VCPIP1: variants seen among roughly 807,000 people sequenced by gnomAD.
The protein encoded by VCPIP1 is deubiquitinating protein VCPIP1.
Under a neutral mutation model 85.0 loss-of-function variants are expected in VCPIP1, and 8 were observed. The observed-to-expected ratio is 0.09, with a 90% CI of 0.06 to 0.17. The LOEUF (loss-of-function observed/expected upper bound fraction) is 0.17. Among genes scored for constraint, VCPIP1 ranks in the 10% least tolerant of loss-of-function variants. The probability of loss-of-function intolerance (pLI) is 1.00; values close to 1 mark genes in which losing one functional copy is unlikely to be tolerated. For synonymous variants in VCPIP1, 543 were observed against 544.5 expected, an observed-to-expected ratio of 1.00 and a Z score of 0.04; for missense variants, 1,070 against 1,486.3, an observed-to-expected ratio of 0.72 and a Z score of 4.61.
In VCPIP1 at chr8:66,628,528, GATT is replaced by G. The variant is rs1450572341; in HGVS notation, c.*5970_*5972del. On this transcript the variant is annotated 3_prime_UTR_variant, in exon 3 of 3. Coordinates refer to ENST00000310421, the MANE Select transcript of VCPIP1 (RefSeq NM_025054.5). ...ACATTTTTAATGATTAGAAACAATT[GATT>G]ATTAAGTCAGAATTGCAGTTGCTGG... The G allele has an allele frequency of 6.6e-6, 1 of 152,164 alleles. No individual in the cohort carries two copies. The highest frequency in any genetic ancestry group is 1.5e-5 in the Non-Finnish European group (1 of 68,024). The allele number at this position is 152,164 out of a possible 1,614,324, so 9.4% of individuals were successfully genotyped here.
At position 66,667,137 on chromosome 8, in the gene VCPIP1, C is replaced by T; in HGVS notation, c.-179G>A. 7.5e-7 allele frequency: 1 copy of T among 1,339,898 alleles called. No individual in the cohort carries two copies. The highest frequency in any genetic ancestry group is 9.7e-7 in the Non-Finnish European group (1 of 1,026,012). 83.0% of individuals were successfully genotyped at this position (1,339,898 alleles called of 1,614,324 possible). A position where few individuals can be genotyped will look rare whatever the true frequency, so the allele number is the denominator to read the frequency against. ...GCGCCGGACGTTGTTTCTCTTCTTACTTCTCCACTGCCGTAGCCGTTGCCC... is the reference window on the plus strand; with the variant it reads ...GCGCCGGACGTTGTTTCTCTTCTTATTTCTCCACTGCCGTAGCCGTTGCCC... On this transcript the variant is annotated 5_prime_UTR_variant, in exon 1 of 3. Transcript: ENST00000310421.
chr8:66,652,105 C>CCCTT (rs1811060223), intron 1 of VCPIP1, among the ~76,000 whole-genome samples: 1 of 152,000 alleles, frequency 6.6e-6, no homozygotes, highest in South Asian at 2.1e-4. Context: ...TGGGGGGAAC[C>CCCTT]CCTTGTGCAC....
In VCPIP1 at chr8:66,665,739, T is replaced by C; in HGVS notation, c.1220A>G (p.Asp407Gly). The change falls in exon 1 of 3, where the codon GAT becomes GGT. Residue 407 changes from aspartate to glycine, a missense_variant. This residue lies in a region of VCPIP1 where 83 missense variants were observed against 134.6 expected (regional missense o/e 0.62). Coordinates refer to ENST00000310421, the MANE Select transcript of VCPIP1 (RefSeq NM_025054.5). The surrounding 1 kb of genome is among the most constrained non-coding windows in gnomAD (Gnocchi z 4.3). ...CVIGGDRSLQ[D>G]KYLLRLVAAM... ...AGCAACAAGCCTAAGTAAGTATTTA[T>C]CTTGCAAACTTCTGTCACCTCCAAT... The C allele has an allele frequency of 3.1e-6, 5 of 1,614,214 alleles. No homozygotes were observed. Among genetic ancestry groups the C allele is most frequent in the Non-Finnish European group, 4.2e-6 (5 of 1,180,040 alleles).
At chr8:66,657,193 C>T (rs1191096828) in intron 1 of VCPIP1, among the ~76,000 whole-genome samples, 1 of 152,118 alleles carries the variant, frequency 6.6e-6, no homozygotes. Flanking sequence ...GTGTAAGCCA[C>T]CATGCCCAGC....
chr8:66,660,822 T>A (rs1311195797), intron 1 of VCPIP1, among the ~76,000 whole-genome samples: 1 of 151,952 alleles, frequency 6.6e-6, no homozygotes, highest in Non-Finnish European at 1.5e-5. Context: ...GGAGGGCGGA[T>A]CCCCTGAGGT....
chr8:66,649,736 G>A (rs1811033981), intron 2 of VCPIP1, among the ~76,000 whole-genome samples: 2 of 152,168 alleles, frequency 1.3e-5, no homozygotes, highest in African/African-American at 4.8e-5. Flanking sequence ...TTTTTGGAGT[G>A]ATGAAAGTAT....
chr8:66,665,270 A>G lies in VCPIP1; in HGVS notation c.1689T>C (p.Thr563=). 6.2e-7 allele frequency: 1 copy of G among 1,614,226 alleles called. No homozygotes were observed. ...GSIVYLDGDR[T]NSRSTGGKCG... is the part of the protein sequence containing the mutation. Reference sequence around the variant, plus strand: ...ATTTGCCACCAGTGGACCTAGAATTAGTTCTGTCTCCATCCAAATACACAA... The same window carrying G: ...ATTTGCCACCAGTGGACCTAGAATTGGTTCTGTCTCCATCCAAATACACAA... The change falls in exon 1 of 3, where the codon ACT becomes ACC. Residue 563 remains threonine (T), a synonymous_variant. Coordinates refer to ENST00000310421, the MANE Select transcript of VCPIP1 (RefSeq NM_025054.5). This position sits in a 1 kb window ranked among gnomAD's most constrained non-coding sequence, Gnocchi z 4.3.
chr8:66,661,788 C>T (rs1465713951), intron 1 of VCPIP1, among the ~76,000 whole-genome samples: 1 of 142,610 alleles, frequency 7.0e-6, no homozygotes, highest in African/African-American at 2.6e-5. Flanking sequence ...TTTTGAGATA[C>T]AGTCTTGTTC....
intron 2 of VCPIP1, among the ~76,000 whole-genome samples, chr8:66,635,820 G>A (rs1042159496): frequency 6.6e-6 from 1 of 151,500 alleles, no homozygotes. Flanking sequence ...GGCTGAGGCA[G>A]GAGACTCACT....
chr8:66,640,300 A>T lies in VCPIP1; in HGVS notation c.2798-4928T>A, dbSNP rs539016734. On this transcript the variant is annotated intron_variant, in intron 2 of 2. Coordinates refer to ENST00000310421, the MANE Select transcript of VCPIP1 (RefSeq NM_025054.5). ...CTAAGTATTTATTAGGTACCAGATC[A>T]TTTGCTAACTGCTATACATCCACCA... 9.2e-5 allele frequency among the ~76,000 whole-genome samples: 14 copies of T among 152,348 alleles called. No individual in the cohort carries two copies. In the South Asian group the frequency reaches 2.9e-3, roughly 32 times the overall value.
Position 66,628,635 on chromosome 8 carries a change from A to T in VCPIP1, c.*5866T>A, listed in dbSNP as rs886199892. The T allele has an allele frequency of 3.9e-5, 6 of 152,208 alleles. No homozygotes were observed. The highest frequency in any genetic ancestry group is 7.3e-5 in the Non-Finnish European group (5 of 68,042). The allele number at this position is 152,208 out of a possible 1,614,324, so 9.4% of individuals were successfully genotyped here. A position where few individuals can be genotyped will look rare whatever the true frequency, so the allele number is the denominator to read the frequency against. ...AGGATGTTTATCTTATTTACTAAAG[A>T]GTTTTTGAGAATTCTATTCTGATGG... On this transcript the variant is annotated 3_prime_UTR_variant, in exon 3 of 3. Coordinates refer to ENST00000310421, the MANE Select transcript of VCPIP1 (RefSeq NM_025054.5).
chr8:66,644,961 T>A (rs188435668), intron 2 of VCPIP1, among the ~76,000 whole-genome samples: 32 of 151,002 alleles, frequency 2.1e-4, no homozygotes, highest in African/African-American at 7.8e-4. Flanking sequence ...TAGCTGGGTG[T>A]GGTGGCCCAC....
At chr8:66,658,414 A>C (rs1194354753) in intron 1 of VCPIP1, among the ~76,000 whole-genome samples, 1 of 152,094 alleles carries the variant, frequency 6.6e-6, no homozygotes, top group East Asian at 1.9e-4. Context: ...CATTTGAAAA[A>C]AAAAAAGGTG....
chr8:66,665,042 C>G lies in VCPIP1; in HGVS notation c.1917G>C (p.Gly639=). The change falls in exon 1 of 3, where the codon GGG becomes GGC. Residue 639 remains glycine, a synonymous_variant. Transcript: ENST00000310421. The surrounding 1 kb of genome is among the most constrained non-coding windows in gnomAD (Gnocchi z 4.3). ...LVTKHFPGEF[G]SEILVQKVVH... is the part of the protein sequence containing the mutation. ...CAACTTTCTGAACTAGGATTTCACT[C>G]CCAAATTCACCTGGAAAGTGCTTGG... The G allele has an allele frequency of 6.2e-7, 1 of 1,613,946 alleles. No individual in the cohort carries two copies. Among genetic ancestry groups the G allele is most frequent in the South Asian group, 1.1e-5 (1 of 91,062 alleles).
intron 1 of VCPIP1, among the ~76,000 whole-genome samples, chr8:66,661,535 A>C (rs986953985): frequency 1.1e-4 from 16 of 152,002 alleles, no homozygotes; most frequent in Non-Finnish European, 2.1e-4. Flanking sequence ...GAAGATTGAG[A>C]CCATCCCAGC....
chr8:66,638,962 C>CTATATATA (rs1305562313), intron 2 of VCPIP1, among the ~76,000 whole-genome samples: 4 of 133,336 alleles, frequency 3.0e-5, no homozygotes, highest in African/African-American at 1.4e-4. Context: ...CTCTCTCTCT[C>CTATATATA]TCTCTCTCTA....
intron 2 of VCPIP1, among the ~76,000 whole-genome samples, chr8:66,644,873 G>A (rs1475697549): frequency 1.3e-5 from 2 of 151,088 alleles, no homozygotes; most frequent in African/African-American, 2.4e-5. Context: ...TGAGGCGGGC[G>A]GATTACTTTG....
intron 1 of VCPIP1, 108 bp downstream of exon 1, chr8:66,664,141 T>C (rs1811183316): frequency 1.5e-6 from 2 of 1,326,136 alleles, no homozygotes; most frequent in Non-Finnish European, 2.0e-6. Flanking sequence ...AAATATATAA[T>C]TAAAAACTTA....
In VCPIP1 at chr8:66,665,773, C is replaced by T; in HGVS notation, c.1186G>A (p.Gly396Ser). The change falls in exon 1 of 3, where the codon GGT (glycine) becomes AGT (serine). Residue 396 changes from glycine to serine, a missense_variant. Transcript: ENST00000310421. This position sits in a 1 kb window ranked among gnomAD's most constrained non-coding sequence, Gnocchi z 4.3. Reference protein sequence around the residue: ...KKYIKLEEDGGCVIGGDRSLQ... With the variant: ...KKYIKLEEDGSCVIGGDRSLQ... ...CTTCTGTCACCTCCAATAACACAAC[C>T]ACCATCCTCTTCAAGTTTTATGTAC... The T allele has an allele frequency of 1.2e-6, 2 of 1,614,150 alleles. No individual in the cohort carries two copies. Among genetic ancestry groups the T allele is most frequent in the Non-Finnish European group, 1.7e-6 (2 of 1,180,030 alleles).
Sources: gnomAD v4.1 joint callset for allele counts (sites outside exome capture counted in the v4.1 genomes callset) on GRCh38, gnomAD v4.1.1 for gene constraint, gnomAD v4.1.1 regional missense constraint, Gnocchi (gnomAD v3.1) non-coding constraint, MANE v1.5 for transcripts, NCBI Gene and HGNC (gene_info 2026-07-23, HGNC 2026-07-21) for gene names.